GMNN: variants seen among roughly 807,000 people sequenced by gnomAD.
GMNN encodes the protein geminin DNA replication inhibitor.
Under a neutral mutation model 20.9 loss-of-function variants are expected in GMNN, and 14 were observed. The observed-to-expected ratio is 0.67, with a 90% confidence interval of 0.44 to 1.05. The LOEUF (loss-of-function observed/expected upper bound fraction) is 1.05, where lower values mean the gene tolerates loss of function less well. GMNN is among the 50% of genes least tolerant of loss of function. GMNN has a pLI of 0.00. For missense variants in GMNN, 227 were observed against 243.8 expected (o/e 0.93, Z 0.46); for synonymous variants, 81 against 85.8 (o/e 0.94, Z 0.31).
rs1038829210 is a variant in GMNN at position 24,780,919 on chromosome 6, C to T, written c.129+179C>T. ...TTTTAATTGTTCAATTTAAGAAGTTCGTCGGGTGCAGTGGCTCACGCCTGT... is the reference window on the plus strand; with the variant it reads ...TTTTAATTGTTCAATTTAAGAAGTTTGTCGGGTGCAGTGGCTCACGCCTGT... On this transcript the variant is annotated intron_variant, in intron 3 of 6. Transcript: ENST00000230056. 3.3e-5 allele frequency among the ~76,000 whole-genome samples: 5 copies of T among 152,080 alleles called. No homozygotes were observed. The East Asian group carries it at 5.8e-4, about 18-fold the overall frequency.
chr6:24,782,863 G>A (rs1351320971), intron 4 of GMNN, among the ~76,000 whole-genome samples: 1 of 150,380 alleles, frequency 6.6e-6, no homozygotes, highest in Non-Finnish European at 1.5e-5. Flanking sequence ...TATATTTGTT[G>A]ACAGTGGTAT....
intron 4 of GMNN, 144 bp from the exon 5 acceptor site, chr6:24,783,943 T>C: frequency 2.4e-6 from 1 of 424,548 alleles, no homozygotes; most frequent in Non-Finnish European, 4.4e-6. Flanking sequence ...TAGAATAATA[T>C]TGATTTTATT....
intron 6 of GMNN, among the ~76,000 whole-genome samples, chr6:24,785,355 T>C (rs1218146021): frequency 2.0e-5 from 3 of 152,178 alleles, no homozygotes; most frequent in African/African-American, 7.2e-5. Flanking sequence ...GAACACCTAC[T>C]TGTCCTTGCA....
chr6:24,784,505 A>C lies in GMNN; in HGVS notation c.419A>C (p.Glu140Ala). 6.3e-7 allele frequency: 1 copy of C among 1,584,834 alleles called. No individual in the cohort carries two copies. The highest frequency in any genetic ancestry group is 8.7e-7 in the Non-Finnish European group (1 of 1,153,466). The change falls in exon 6 of 7, where the codon GAA becomes GCA. Residue 140 changes from glutamate (E) to alanine (A), a missense_variant. Glu to Ala is a moderately radical substitution (Grantham distance 107). Coordinates refer to ENST00000230056, the MANE Select transcript of GMNN (RefSeq NM_015895.5). ...EIARLKKENK[E>A]LAEVAEHVQY... ...GCCCGCCTGAAAAAGGAGAATAAAG[A>C]ACTGGCAGAAGTAGCAGAACATGTA...
At chr6:24,777,496 C>G in intron 2 of GMNN, 199 bp downstream of exon 2, 1 of 346,394 alleles carries the variant, frequency 2.9e-6, no homozygotes, top group Non-Finnish European at 5.2e-6. Context: ...TGGGTTGTCT[C>G]TCTTATTTTG....
At position 24,784,527 on chromosome 6, in the gene GMNN, T is replaced by TGTA. The variant is rs1246397721; in HGVS notation, c.442_444dup (p.Val148dup). ...AAGAACTGGCAGAAGTAGCAGAACA[T>TGTA]GTACAGTATATGGCAGAGCTAATAG... is the stretch of plus-strand genomic sequence containing the variant. On this transcript the variant is annotated inframe_insertion, in exon 6 of 7. Transcript: ENST00000230056. The TGTA allele has an allele frequency of 2.6e-6, 4 of 1,516,150 alleles. No individual in the cohort carries two copies. The highest frequency in any genetic ancestry group is 3.7e-6 in the Non-Finnish European group (4 of 1,091,146). 93.9% of individuals were successfully genotyped at this position (1,516,150 alleles called of 1,614,324 possible).
At position 24,780,702 on chromosome 6, in the gene GMNN, C is replaced by T. The variant is rs753908717; in HGVS notation, c.91C>T (p.Pro31Ser). Residue 31 changes from proline to serine, a missense_variant, in exon 3 of 7, where the codon CCT (proline) becomes TCT (serine). Coordinates refer to ENST00000230056, the MANE Select transcript of GMNN (RefSeq NM_015895.5). The part of the protein sequence containing the change: ...VPRRTLKMIQ[P>S]SASGSLVGRE... ...AAGAAGAACTCTGAAGATGATTCAGCCTTCTGCATCTGGATCTCTTGTTGG... is the reference window on the plus strand; with the variant it reads ...AAGAAGAACTCTGAAGATGATTCAGTCTTCTGCATCTGGATCTCTTGTTGG... The T allele has an allele frequency of 1.3e-6, 2 of 1,597,826 alleles. No homozygotes were observed. Among genetic ancestry groups the T allele is most frequent in the South Asian group, 1.1e-5 (1 of 90,776 alleles).
At chr6:24,782,638 G>A (rs756886025) in intron 4 of GMNN, among the ~76,000 whole-genome samples, 2 of 152,178 alleles carry the variant, frequency 1.3e-5, no homozygotes, top group Non-Finnish European at 2.9e-5. Context: ...AGCAGGATTT[G>A]TGACACTCAT....
At position 24,774,982 on chromosome 6, in the gene GMNN, A is replaced by C. The variant is rs1175728458; in HGVS notation, c.-288A>C. The C allele has an allele frequency of 6.6e-6, 1 of 152,314 alleles. No homozygotes were observed. Among genetic ancestry groups the C allele is most frequent in the Non-Finnish European group, 1.5e-5 (1 of 68,110 alleles). The allele number at this position is 152,314 out of a possible 1,614,324, so 9.4% of individuals were successfully genotyped here. A position where few individuals can be genotyped will look rare whatever the true frequency, so the allele number is the denominator to read the frequency against. ...TTCGGAGCGGGCGAGCGGAGTTAGC[A>C]GGGCTTTACTGCAGAGCGCGCCGGG... On this transcript the variant is annotated 5_prime_UTR_variant, in exon 1 of 7. Coordinates refer to ENST00000230056, the MANE Select transcript of GMNN (RefSeq NM_015895.5).
At chr6:24,779,956 C>T (rs1041520931) in intron 2 of GMNN, among the ~76,000 whole-genome samples, 11 of 152,204 alleles carry the variant, frequency 7.2e-5, no homozygotes, top group South Asian at 4.1e-4. Flanking sequence ...GGGGGGATGT[C>T]TATTACACAT....
Position 24,781,016 on chromosome 6 carries a change from C to T in GMNN, c.129+276C>T, listed in dbSNP as rs192525067. 1.4e-3 allele frequency among the ~76,000 whole-genome samples: 218 copies of T among 152,124 alleles called. 1 individual carries two copies. The highest frequency in any genetic ancestry group is 4.6e-3 in the African/African-American group (190 of 41,490). ...AGGAGCTTGAGACAAGCCTGGCCAA[C>T]GTGGTGAAACCCCATCTCTACTAAA... On this transcript the variant is annotated intron_variant, in intron 3 of 6. Transcript: ENST00000230056.
chr6:24,783,772 T>G (rs889331921), intron 4 of GMNN, among the ~76,000 whole-genome samples: 3 of 152,056 alleles, frequency 2.0e-5, no homozygotes, highest in Middle Eastern at 3.2e-3. Flanking sequence ...TACAAAATAA[T>G]TGATCTGGAC....
Position 24,784,552 on chromosome 6 carries a change from G to C in GMNN, c.466G>C (p.Glu156Gln). ...TGTACAGTATATGGCAGAGCTAATAGAGGTAGGTAATTTAATAGTTATCTG... is the reference window on the plus strand; with the variant it reads ...TGTACAGTATATGGCAGAGCTAATACAGGTAGGTAATTTAATAGTTATCTG... ...EHVQYMAELIERLNGEPLDNF... is the reference protein window; with the variant it reads ...EHVQYMAELIQRLNGEPLDNF... The change falls in exon 6 of 7, where the codon GAG (glutamate) becomes CAG (glutamine). Residue 156 changes from glutamate (E) to glutamine (Q), a missense_variant and splice_region_variant. Glu to Gln is a conservative substitution (Grantham distance 29, BLOSUM62 2). Transcript: ENST00000230056. The C allele has an allele frequency of 8.0e-7, 1 of 1,254,878 alleles. No individual in the cohort carries two copies. Among genetic ancestry groups the C allele is most frequent in the South Asian group, 1.2e-5 (1 of 81,568 alleles). The allele number at this position is 1,254,878 out of a possible 1,614,324, so 77.7% of individuals were successfully genotyped here. A position where few individuals can be genotyped will look rare whatever the true frequency, so the allele number is the denominator to read the frequency against.
chr6:24,784,422 G>T, intron 5 of GMNN, 22 bp from the exon 6 acceptor site: 1 of 1,095,020 alleles, frequency 9.1e-7, no homozygotes, highest in South Asian at 1.3e-5. Context: ...ATGGAATACT[G>T]AACTTTATTT....
chr6:24,784,144 A>G lies in GMNN; in HGVS notation c.332A>G (p.Tyr111Cys), dbSNP rs775208508. Residue 111 changes from tyrosine to cysteine, a missense_variant, in exon 5 of 7, where the codon TAT (tyrosine) becomes TGT (cysteine). Coordinates refer to ENST00000230056, the MANE Select transcript of GMNN (RefSeq NM_015895.5). The stretch of plus-strand genomic sequence containing the variant: ...GCAGAAAAACGGAGAAAGGCGCTGT[A>G]TGAAGCACTTAAGGAAAATGAGAAA... Reference protein sequence around the residue: ...EVAEKRRKALYEALKENEKLH... With the variant: ...EVAEKRRKALCEALKENEKLH... 2.2e-5 allele frequency: 34 copies of G among 1,522,562 alleles called. No individual in the cohort carries two copies. The highest frequency in any genetic ancestry group is 3.1e-5 in the Non-Finnish European group (34 of 1,098,466). The allele number at this position is 1,522,562 out of a possible 1,614,324, so 94.3% of individuals were successfully genotyped here.
chr6:24,782,090 G>GAA (rs1044352220), intron 4 of GMNN, among the ~76,000 whole-genome samples: 8 of 149,730 alleles, frequency 5.3e-5, no homozygotes, highest in East Asian at 2.0e-4. Flanking sequence ...GTCTCTGAAG[G>GAA]AAAAAAAAAG....
At chr6:24,782,354 TCAG>T (rs1261911676) in intron 4 of GMNN, among the ~76,000 whole-genome samples, 1 of 152,192 alleles carries the variant, frequency 6.6e-6, no homozygotes, top group Non-Finnish European at 1.5e-5. Context: ...GTAGTATACA[TCAG>T]AAGAAGAAGC....
intron 1 of GMNN, among the ~76,000 whole-genome samples, chr6:24,776,481 G>A (rs1780073992): frequency 6.6e-6 from 1 of 152,188 alleles, no homozygotes; most frequent in Admixed American, 6.5e-5. Flanking sequence ...GTGTGCACGC[G>A]CCAGGACACA....
intron 2 of GMNN, among the ~76,000 whole-genome samples, chr6:24,779,121 A>G (rs1205042483): frequency 6.6e-6 from 1 of 152,220 alleles, no homozygotes; most frequent in African/African-American, 2.4e-5. Context: ...TGTGAGTTGC[A>G]TGCAAAATTC....
Sources: allele counts gnomAD v4.1 joint callset (sites outside exome capture counted in the v4.1 genomes callset), GRCh38; gene constraint gnomAD v4.1.1; transcripts MANE v1.5; gene names NCBI Gene and HGNC (gene_info 2026-07-23, HGNC 2026-07-21).